Variants in NRG3 observed in about 807,000 individuals in gnomAD.
NRG3 encodes pro-neuregulin-3, membrane-bound isoform.
A neutral mutation model predicts 66.9 loss-of-function variants in NRG3; 31 were observed. That is an observed-to-expected ratio of 0.46 (90% CI 0.35 to 0.63). The LOEUF (loss-of-function observed/expected upper bound fraction) is 0.63, where lower values mean the gene tolerates loss of function less well. NRG3 is among the 20% of genes least tolerant of loss of function. NRG3 has a pLI of 0.00. For synonymous variants in NRG3, 393 were observed against 359.4 expected (o/e 1.09, Z -1.06); for missense variants, 910 against 878.9 (o/e 1.04, Z -0.45).
intron 3 of NRG3, among the ~76,000 whole-genome samples, chr10:82,817,356 C>T (rs1387680619): frequency 1.3e-5 from 2 of 152,216 alleles, no homozygotes; most frequent in Non-Finnish European, 2.9e-5. Flanking sequence ...GGTGCCTGAG[C>T]TAGGACTACA....
At chr10:82,308,975 A>G (rs2080887326) in intron 1 of NRG3, among the ~76,000 whole-genome samples, 1 of 152,194 alleles carries the variant, frequency 6.6e-6, no homozygotes, top group Non-Finnish European at 1.5e-5. Context: ...AAGACTTATC[A>G]CTGGTTTATC....
intron 1 of NRG3, among the ~76,000 whole-genome samples, chr10:82,020,787 T>A (rs2062023017): frequency 6.6e-6 from 1 of 152,138 alleles, no homozygotes; most frequent in Non-Finnish European, 1.5e-5. Context: ...TGAGTTCTAA[T>A]ACATTCCTCA....
chr10:82,785,254 A>G (rs2060304217), intron 3 of NRG3, among the ~76,000 whole-genome samples: 1 of 152,178 alleles, frequency 6.6e-6, no homozygotes, highest in South Asian at 2.1e-4. Context: ...ACCTAATGCT[A>G]AATGACGAGT....
chr10:82,393,565 G>A (rs1056192770), intron 2 of NRG3, among the ~76,000 whole-genome samples: 7 of 152,194 alleles, frequency 4.6e-5, no homozygotes, highest in African/African-American at 1.7e-4. Flanking sequence ...GAAATAGAGA[G>A]CTGTGTTTGA....
chr10:82,525,068 T>C lies in NRG3; in HGVS notation c.953+166200T>C, dbSNP rs139379947. Among the ~76,000 whole-genome samples, 1,405 of 152,042 alleles carry C rather than the reference T, an allele frequency of 9.2e-3. 19 individuals carry two copies. The highest frequency in any genetic ancestry group is 0.032 in the African/African-American group (1,324 of 41,538). On this transcript the variant is annotated intron_variant, in intron 2 of 8. Transcript: ENST00000372141. ...TGACAAACATAGACAATTAAGGCAC[T>C]GAAATTCTACTTAGATTAAAGGTGG...
chr10:82,233,529 C>G (rs2076602331), intron 1 of NRG3, among the ~76,000 whole-genome samples: 1 of 152,144 alleles, frequency 6.6e-6, no homozygotes, highest in South Asian at 2.1e-4. Context: ...CTTCTTTTCC[C>G]TCACTTTCTT....
intron 2 of NRG3, among the ~76,000 whole-genome samples, chr10:82,632,139 C>T (rs1415903620): frequency 1.3e-5 from 2 of 151,994 alleles, no homozygotes; most frequent in Admixed American, 6.6e-5. Flanking sequence ...AAATAACACC[C>T]ACATATCCTT....
At chr10:82,213,018 C>G (rs994366665) in intron 1 of NRG3, among the ~76,000 whole-genome samples, 1 of 152,066 alleles carries the variant, frequency 6.6e-6, no homozygotes, top group Non-Finnish European at 1.5e-5. Context: ...TTTCGGTTCC[C>G]AGGAACAAGA....
At chr10:82,389,774 A>G (rs1001162122) in intron 2 of NRG3, among the ~76,000 whole-genome samples, 1 of 152,220 alleles carries the variant, frequency 6.6e-6, no homozygotes, top group Non-Finnish European at 1.5e-5. Flanking sequence ...GATTCAAAAA[A>G]GTTTCCATTA....
intron 2 of NRG3, among the ~76,000 whole-genome samples, chr10:82,602,622 C>G (rs1020125355): frequency 6.6e-6 from 1 of 151,992 alleles, no homozygotes; most frequent in South Asian, 2.1e-4. Context: ...GTATGAAATA[C>G]AAAATCTATG....
chr10:82,782,650 A>C (rs1445859128), intron 3 of NRG3, among the ~76,000 whole-genome samples: 1 of 152,136 alleles, frequency 6.6e-6, no homozygotes, highest in Non-Finnish European at 1.5e-5. Flanking sequence ...GAAAAAGTCT[A>C]GATCATCATG....
chr10:82,684,080 A>G (rs1250761853), intron 2 of NRG3, among the ~76,000 whole-genome samples: 2 of 152,202 alleles, frequency 1.3e-5, no homozygotes, highest in Admixed American at 6.5e-5. Flanking sequence ...TCACTAAACA[A>G]TAAAGTAGCA....
chr10:82,527,309 A>T (rs1281507617), intron 2 of NRG3, among the ~76,000 whole-genome samples: 1 of 113,278 alleles, frequency 8.8e-6, no homozygotes. Context: ...ATGTATGTAA[A>T]ATTAAAAAAA....
intron 2 of NRG3, among the ~76,000 whole-genome samples, chr10:82,577,765 C>A (rs2046114054): frequency 6.6e-6 from 1 of 151,632 alleles, no homozygotes; most frequent in African/African-American, 2.4e-5. Context: ...GACCATTGTT[C>A]TAAACAGTGA....
At chr10:81,997,932 T>C (rs1042139275) in intron 1 of NRG3, among the ~76,000 whole-genome samples, 3 of 148,938 alleles carry the variant, frequency 2.0e-5, no homozygotes, top group Non-Finnish European at 4.4e-5. Context: ...CAGAAGACAG[T>C]GTAATTCCAG....
chr10:82,575,398 C>T (rs2045970771), intron 2 of NRG3, among the ~76,000 whole-genome samples: 1 of 151,598 alleles, frequency 6.6e-6, no homozygotes, highest in South Asian at 2.1e-4. Flanking sequence ...GGAAGAATAG[C>T]AGGTTATTAA....
chr10:82,077,402 A>G (rs1332318431), intron 1 of NRG3, among the ~76,000 whole-genome samples: 3 of 152,252 alleles, frequency 2.0e-5, no homozygotes, highest in Non-Finnish European at 4.4e-5. Context: ...TGGAAAAGTC[A>G]TAAATTCCAC....
chr10:81,895,616 G>A (rs1843443075), intron 1 of NRG3, among the ~76,000 whole-genome samples: 1 of 152,184 alleles, frequency 6.6e-6, no homozygotes, highest in African/African-American at 2.4e-5. Flanking sequence ...TCTTAATGAT[G>A]AGATTATGAT....
chr10:82,284,162 G>A (rs1472452154), intron 1 of NRG3, among the ~76,000 whole-genome samples: 1 of 152,212 alleles, frequency 6.6e-6, no homozygotes, highest in East Asian at 1.9e-4. Flanking sequence ...CTGCGTATCA[G>A]GGAGCTGCAG....
Sources: allele counts gnomAD v4.1 joint callset (sites outside exome capture counted in the v4.1 genomes callset), GRCh38; gene constraint gnomAD v4.1.1; transcripts MANE v1.5; gene names NCBI Gene and HGNC (gene_info 2026-07-23, HGNC 2026-07-21).